PRH1: variants seen among roughly 807,000 people sequenced by gnomAD.
PRH1 encodes the protein proline rich protein HaeIII subfamily 1.
In PRH1, 7 loss-of-function variants were observed where a neutral mutation model predicts 7.9. The observed-to-expected ratio is 0.89, with a 90% CI of 0.50 to 1.67. PRH1 has a LOEUF of 1.67. Among genes scored for constraint, PRH1 ranks in the 40% most tolerant of loss-of-function variants. PRH1 has a pLI of 0.00. For missense variants in PRH1, 109 were observed against 223.6 expected (o/e 0.49, Z 3.27); for synonymous variants, 45 against 80.8 (o/e 0.56, Z 2.38).
intron 1 of PRH1, among the ~76,000 whole-genome samples, chr12:11,129,192 G>A (rs1240064757): frequency 1.3e-5 from 2 of 152,292 alleles, no homozygotes; most frequent in East Asian, 1.9e-4. Context: ...TAGGACTACA[G>A]GCATGAGCCA....
chr12:11,169,499 C>T (rs1303882454), intron 1 of PRH1, among the ~76,000 whole-genome samples: 1 of 152,112 alleles, frequency 6.6e-6, no homozygotes, highest in African/African-American at 2.4e-5. Flanking sequence ...CCCACGGTCT[C>T]AGGGTGGAAG....
At chr12:11,006,371 C>CTTTTTTTTTTTTTT (rs199571634) in intron 1 of PRH1, 1 of 123,208 alleles carries the variant, frequency 8.1e-6, no homozygotes, top group African/African-American at 3.0e-5. Context: ...TTCTCCTTTT[C>CTTTTTTTTTTTTTT]TTTTTTTTTT....
chr12:11,094,519 A>G (rs142596620), intron 1 of PRH1, among the ~76,000 whole-genome samples: 6,074 of 113,540 alleles, frequency 0.053, 1,901 homozygotes, highest in Non-Finnish European at 0.077. Context: ...GTCCTGTGAG[A>G]TGGATAATTA....
At chr12:10,918,340 C>A (rs1950001057) in intron 2 of PRH1, among the ~76,000 whole-genome samples, 2 of 152,018 alleles carry the variant, frequency 1.3e-5, no homozygotes, top group African/African-American at 2.4e-5. Context: ...ATGTAACAAA[C>A]CTGCATATCC....
chr12:11,161,068 G>A (rs1265648608), intron 1 of PRH1, among the ~76,000 whole-genome samples: 1 of 152,090 alleles, frequency 6.6e-6, no homozygotes, highest in Admixed American at 6.5e-5. Context: ...GAAATTATGT[G>A]CACTACTTCC....
At chr12:11,035,002 T>A in intron 1 of PRH1, 1 of 152,108 alleles carries the variant, frequency 6.6e-6, no homozygotes, top group Non-Finnish European at 1.5e-5. Context: ...ACTGAAGACA[T>A]GAATCCATTG....
chr12:10,958,692 C>T (rs1393616135), intron 2 of PRH1, among the ~76,000 whole-genome samples: 4 of 152,022 alleles, frequency 2.6e-5, no homozygotes, highest in Admixed American at 1.3e-4. Flanking sequence ...AAAGAGCAAT[C>T]CAAGAAGAAG....
intron 2 of PRH1, among the ~76,000 whole-genome samples, chr12:10,892,339 G>A (rs1364615210): frequency 6.6e-6 from 1 of 152,016 alleles, no homozygotes; most frequent in African/African-American, 2.4e-5. Flanking sequence ...TTTTCTTCCT[G>A]GACAGAACTA....
chr12:11,109,817 T>C (rs1481730366), intron 1 of PRH1, among the ~76,000 whole-genome samples: 3 of 152,068 alleles, frequency 2.0e-5, no homozygotes, highest in African/African-American at 4.8e-5. Context: ...GGACAGAGAA[T>C]GAGTTTGATG....
intron 1 of PRH1, among the ~76,000 whole-genome samples, chr12:11,140,348 T>A (rs1185065231): frequency 6.6e-6 from 1 of 152,138 alleles, no homozygotes; most frequent in African/African-American, 2.4e-5. Context: ...AATAAATATA[T>A]CATTGCTGTT....
At chr12:11,011,171 C>T (rs181875303) in intron 1 of PRH1, among the ~76,000 whole-genome samples, 27 of 152,126 alleles carry the variant, frequency 1.8e-4, no homozygotes, top group African/African-American at 6.3e-4. Context: ...AATAAACCTA[C>T]CATGTCTGAA....
intron 1 of PRH1, among the ~76,000 whole-genome samples, chr12:11,099,356 G>A (rs1354251215): frequency 6.8e-6 from 1 of 146,160 alleles, no homozygotes; most frequent in Non-Finnish European, 1.5e-5. Context: ...AGACTAAATT[G>A]GCCAAACTCT....
chr12:11,057,134 G>T (rs1373768136), intron 1 of PRH1, among the ~76,000 whole-genome samples: 1 of 152,012 alleles, frequency 6.6e-6, no homozygotes, highest in Non-Finnish European at 1.5e-5. Flanking sequence ...AGTTTCCCAA[G>T]TATTTGGAAC....
intron 1 of PRH1, among the ~76,000 whole-genome samples, chr12:11,135,349 T>C (rs1316110802): frequency 6.6e-6 from 1 of 152,140 alleles, no homozygotes; most frequent in Non-Finnish European, 1.5e-5. Flanking sequence ...TTCCATTTAC[T>C]ATGAGAATAT....
At chr12:11,008,999 A>G (rs1285555094) in intron 1 of PRH1, among the ~76,000 whole-genome samples, 1 of 150,154 alleles carries the variant, frequency 6.7e-6, no homozygotes, top group Admixed American at 6.7e-5. Context: ...CTATTTGCAT[A>G]TATCTTATCA....
upstream of PRH1, among the ~76,000 whole-genome samples, chr12:10,888,512 T>A (rs892489931): frequency 6.6e-6 from 1 of 152,214 alleles, no homozygotes; most frequent in African/African-American, 2.4e-5. Flanking sequence ...AAAGTATATA[T>A]CTATGCAAAA....
At chr12:10,921,873 C>G (rs1255205698) in intron 2 of PRH1, among the ~76,000 whole-genome samples, 1 of 152,088 alleles carries the variant, frequency 6.6e-6, no homozygotes, top group Middle Eastern at 3.2e-3. Context: ...CTCAAGTGAT[C>G]CTTCCACCTC....
At chr12:11,084,461 GATA>G (rs1276975038) in intron 1 of PRH1, among the ~76,000 whole-genome samples, 71 of 14,512 alleles carry the variant, frequency 4.9e-3, no homozygotes, top group Non-Finnish European at 0.025. Flanking sequence ...TTCTGATAAG[GATA>G]CAAATACTGG....
chr12:10,883,544 T>G (rs560004800), intron 1 of PRH1, among the ~76,000 whole-genome samples: 2 of 152,346 alleles, frequency 1.3e-5, no homozygotes, highest in Admixed American at 6.5e-5. Context: ...CTCTTTCATC[T>G]GTAAATATGT....
Sources: gnomAD v4.1 joint callset for allele counts (sites outside exome capture counted in the v4.1 genomes callset) on GRCh38, gnomAD v4.1.1 for gene constraint, MANE v1.5 for transcripts, NCBI Gene and HGNC (gene_info 2026-07-23, HGNC 2026-07-21) for gene names.